Variants in LRRIQ1 observed in about 807,000 individuals in gnomAD.
LRRIQ1 encodes the protein leucine rich repeats and IQ motif containing 1, also known as leucine-rich repeat- and IQ domain-containing protein 1.
A neutral mutation model predicts 211.9 loss-of-function variants in LRRIQ1; 210 were observed. The ratio of observed to expected loss-of-function variants is 0.99; its 90% CI spans 0.89 to 1.11. The LOEUF is 1.11. LRRIQ1 is among the 50% of genes most tolerant of loss of function. LRRIQ1 has a pLI of 0.00. For missense variants in LRRIQ1, 2,136 were observed against 1,939.5 expected, an observed-to-expected ratio of 1.10 and a Z score of -1.90; for synonymous variants, 699 against 650.1, an observed-to-expected ratio of 1.08 and a Z score of -1.14.
At chr12:85,169,134 G>C (rs138773608) in intron 24 of LRRIQ1, among the ~76,000 whole-genome samples, 2 of 152,082 alleles carry the variant, frequency 1.3e-5, no homozygotes, top group Non-Finnish European at 2.9e-5. Flanking sequence ...TCACAAGCAG[G>C]CTTTTGAGAT....
intron 1 of LRRIQ1, among the ~76,000 whole-genome samples, chr12:85,256,666 G>A (rs1896104765): frequency 6.6e-6 from 1 of 151,536 alleles, no homozygotes; most frequent in Non-Finnish European, 1.5e-5. Context: ...TCCATATGAA[G>A]ATGGTAAAGA....
chr12:85,192,991 A>T (rs1302041051), intron 24 of LRRIQ1, among the ~76,000 whole-genome samples: 31 of 63,016 alleles, frequency 4.9e-4, no homozygotes, highest in Non-Finnish European at 5.6e-4. Flanking sequence ...ATAATTATAT[A>T]ATATAATATA....
chr12:85,099,899 A>T (rs1886213963), intron 13 of LRRIQ1, among the ~76,000 whole-genome samples: 1 of 151,818 alleles, frequency 6.6e-6, no homozygotes. Context: ...AAAAACAAAT[A>T]TGTATTCAAA....
At chr12:85,125,817 T>A (rs1888336446) in intron 17 of LRRIQ1, among the ~76,000 whole-genome samples, 1 of 152,164 alleles carries the variant, frequency 6.6e-6, no homozygotes, top group Admixed American at 6.5e-5. Flanking sequence ...ATAAACAATA[T>A]TTTTAACTTC....
At chr12:85,057,273 T>G (rs1881233656) in intron 8 of LRRIQ1, 89 bp downstream of exon 8, 1 of 1,017,428 alleles carries the variant, frequency 9.8e-7, no homozygotes, top group Non-Finnish European at 1.4e-6. Context: ...AAGAAATATT[T>G]TGTATACAAG....
At chr12:85,228,066 A>G (rs987111636) in intron 24 of LRRIQ1, among the ~76,000 whole-genome samples, 2 of 152,178 alleles carry the variant, frequency 1.3e-5, no homozygotes, top group Admixed American at 6.5e-5. Context: ...AACCATAAAA[A>G]CCTTAGAAGA....
chr12:85,195,627 C>A (rs372535828), intron 24 of LRRIQ1, among the ~76,000 whole-genome samples: 5 of 151,348 alleles, frequency 3.3e-5, no homozygotes, highest in Admixed American at 6.6e-5. Context: ...ATTCAACAAC[C>A]CTTCATGCTA....
intron 26 of LRRIQ1, among the ~76,000 whole-genome samples, chr12:85,242,171 A>G (rs1049614917): frequency 1.3e-5 from 2 of 152,028 alleles, no homozygotes; most frequent in Non-Finnish European, 1.5e-5. Flanking sequence ...AGATTATTAT[A>G]TTATAACCAT....
At chr12:85,053,911 G>C (rs909925215) in intron 7 of LRRIQ1, among the ~76,000 whole-genome samples, 2 of 152,138 alleles carry the variant, frequency 1.3e-5, no homozygotes, top group African/African-American at 4.8e-5. Context: ...GTTTCACCGT[G>C]TTACCCAGGA....
intron 24 of LRRIQ1, among the ~76,000 whole-genome samples, chr12:85,194,817 C>A (rs967004742): frequency 5.4e-4 from 82 of 151,222 alleles, no homozygotes; most frequent in Middle Eastern, 3.4e-3. Flanking sequence ...AAAAATAACT[C>A]AAATCAGAGC....
Position 85,102,958 on chromosome 12 carries a change from AAATAT to A in LRRIQ1, c.3210-1044_3210-1040del, listed in dbSNP as rs1299374462. The stretch of plus-strand genomic sequence containing the variant: ...TCTAATTGTGGCAAAAAAAAAAAAA[AAATAT>A]ATATATATATATATATATATATATT... On this transcript the variant is annotated intron_variant, in intron 13 of 26. Coordinates refer to ENST00000393217, the MANE Select transcript of LRRIQ1 (RefSeq NM_001079910.2). Among the ~76,000 whole-genome samples, 71 of 118,370 alleles carry A rather than the reference AAATAT, an allele frequency of 6.0e-4. No homozygotes were observed. In the Middle Eastern group the frequency reaches 0.013, roughly 22 times the overall value. 77.7% of individuals were successfully genotyped at this position (118,370 alleles called of 152,430 possible).
intron 26 of LRRIQ1, chr12:85,233,138 T>A (rs1216383875): frequency 4.5e-6 from 1 of 222,554 alleles, no homozygotes; most frequent in Non-Finnish European, 8.8e-6. Context: ...ATATAAAAAA[T>A]TAACAAATAA....
chr12:85,188,080 ACT>A (rs1429360014), intron 24 of LRRIQ1, among the ~76,000 whole-genome samples: 3 of 151,380 alleles, frequency 2.0e-5, no homozygotes, highest in Non-Finnish European at 1.5e-5. Context: ...GAAGTTTGGG[ACT>A]CTATTGGCTT....
At chr12:85,120,557 C>A (rs866105979) in intron 15 of LRRIQ1, among the ~76,000 whole-genome samples, 2 of 152,150 alleles carry the variant, frequency 1.3e-5, no homozygotes, top group Non-Finnish European at 2.9e-5. Flanking sequence ...TTGTTGATAT[C>A]CACAAAATAC....
In LRRIQ1 at chr12:85,177,665, T is replaced by G. The variant is rs1028095133; in HGVS notation, c.4822+16951T>G. ...ACAGGGCAATTTTAGTCTGTCCTTT[T>G]TAGTCCATATTGAGGATTTGACTTT... On this transcript the variant is annotated intron_variant, in intron 24 of 26. Transcript: ENST00000393217. Among the ~76,000 whole-genome samples the G allele has an allele frequency of 2.6e-5, 4 of 152,144 alleles. No homozygotes were observed. The East Asian group carries it at 7.7e-4, about 29-fold the overall frequency.
intron 19 of LRRIQ1, among the ~76,000 whole-genome samples, chr12:85,143,236 A>G (rs999845723): frequency 6.6e-6 from 1 of 151,550 alleles, no homozygotes; most frequent in Non-Finnish European, 1.5e-5. Context: ...TCATATACCT[A>G]TTAGCCACTT....
At chr12:85,083,723 C>G (rs1015536674) in intron 11 of LRRIQ1, among the ~76,000 whole-genome samples, 26 of 152,262 alleles carry the variant, frequency 1.7e-4, no homozygotes, top group African/African-American at 5.8e-4. Context: ...CAGGCATCAG[C>G]CACCGCACCC....
chr12:85,037,787 T>A (rs1878334492), intron 1 of LRRIQ1, among the ~76,000 whole-genome samples: 2 of 151,882 alleles, frequency 1.3e-5, no homozygotes, highest in South Asian at 2.1e-4. Context: ...CAGTGAAAAA[T>A]AAAAAACAGA....
At chr12:85,086,969 G>A (rs1884896215) in intron 11 of LRRIQ1, among the ~76,000 whole-genome samples, 1 of 117,264 alleles carries the variant, frequency 8.5e-6, no homozygotes. Flanking sequence ...TATACTTTAA[G>A]TTCTAGGGTA....
Sources: allele counts gnomAD v4.1 joint callset (sites outside exome capture counted in the v4.1 genomes callset), GRCh38; gene constraint gnomAD v4.1.1; transcripts MANE v1.5; gene names NCBI Gene and HGNC (gene_info 2026-07-23, HGNC 2026-07-21).